Variants in DPH6 observed in about 807,000 individuals in gnomAD.
The protein encoded by DPH6 is diphthamine biosynthesis 6.
DPH6 carries 33 observed loss-of-function variants against 38.2 expected under a neutral mutation model. The ratio of observed to expected loss-of-function variants is 0.86; its 90% CI spans 0.65 to 1.15. The LOEUF (loss-of-function observed/expected upper bound fraction) is 1.15. Among genes scored for constraint, DPH6 ranks in the 50% most tolerant of loss-of-function variants. DPH6 has a pLI of 0.00. For missense variants in DPH6, 325 were observed against 320.0 expected, an observed-to-expected ratio of 1.02 and a Z score of -0.12; for synonymous variants, 108 against 103.0, an observed-to-expected ratio of 1.05 and a Z score of -0.30.
chr15:35,173,784 C>A, the DPH6 span, among the ~76,000 whole-genome samples: 120,582 of 152,044 alleles, frequency 0.79, 48,015 homozygotes, highest in Middle Eastern at 0.88. Flanking sequence ...CCATTGATAC[C>A]GAAGGTCCTG....
chr15:35,383,761 C>T (rs1340183375), intron 6 of DPH6, among the ~76,000 whole-genome samples: 2 of 152,172 alleles, frequency 1.3e-5, no homozygotes, highest in African/African-American at 2.4e-5. Context: ...AAGCTTCAAG[C>T]TCTAATAGAC....
chr15:35,151,936 G>T, the DPH6 span, among the ~76,000 whole-genome samples: 1 of 152,134 alleles, frequency 6.6e-6, no homozygotes, highest in Non-Finnish European at 1.5e-5. Flanking sequence ...TCACTTTGAA[G>T]AAATTTATTC....
At chr15:35,490,709 A>T (rs1462578878) in intron 3 of DPH6, among the ~76,000 whole-genome samples, 2 of 152,184 alleles carry the variant, frequency 1.3e-5, no homozygotes, top group African/African-American at 4.8e-5. Flanking sequence ...CGTTTGGAAA[A>T]TTATATCTGG....
chr15:35,290,754 T>C (rs955870157), intron 3 of DPH6, among the ~76,000 whole-genome samples: 1 of 152,094 alleles, frequency 6.6e-6, no homozygotes, highest in African/African-American at 2.4e-5. Context: ...GTGCATGCCA[T>C]AGTTGTTTGT....
chr15:35,298,232 C>T, intron 3 of DPH6: 1 of 513,742 alleles, frequency 1.9e-6, no homozygotes, highest in South Asian at 1.6e-5. Context: ...ATGACTTGTG[C>T]TCTAGTTCTT....
chr15:35,230,041 G>A (rs2051506343), intron 3 of DPH6, among the ~76,000 whole-genome samples: 2 of 152,126 alleles, frequency 1.3e-5, no homozygotes. Context: ...CCACTCCCTG[G>A]CTACCACCTA....
chr15:35,396,108 T>C (rs929319747), intron 6 of DPH6: 4 of 152,160 alleles, frequency 2.6e-5, no homozygotes, highest in South Asian at 2.1e-4. Context: ...AACACACCTT[T>C]GAGAATCCCA....
At chr15:35,165,756 C>T in the DPH6 span, among the ~76,000 whole-genome samples, 1 of 151,810 alleles carries the variant, frequency 6.6e-6, no homozygotes, top group Admixed American at 6.6e-5. Flanking sequence ...ATTAGAAGAC[C>T]GAAGTCTACT....
At chr15:35,317,408 AAG>A (rs938630116) in intron 3 of DPH6, among the ~76,000 whole-genome samples, 1 of 82,598 alleles carries the variant, frequency 1.2e-5, no homozygotes, top group African/African-American at 5.0e-5. Context: ...AAGAAAAAGA[AAG>A]AAAGAAAGAG....
At chr15:35,173,991 G>C in the DPH6 span, among the ~76,000 whole-genome samples, 1 of 152,094 alleles carries the variant, frequency 6.6e-6, no homozygotes, top group Non-Finnish European at 1.5e-5. Context: ...ATATGTAACT[G>C]AACAGAACCA....
intron 3 of DPH6, among the ~76,000 whole-genome samples, chr15:35,278,980 C>T (rs939650844): frequency 5.2e-4 from 72 of 139,778 alleles, no homozygotes; most frequent in East Asian, 2.6e-3. Flanking sequence ...ACCCAGGAGG[C>T]GGAGGTTGCA....
At chr15:35,326,085 T>C (rs979788064), downstream of DPH6, among the ~76,000 whole-genome samples, 3 of 152,128 alleles carry the variant, frequency 2.0e-5, no homozygotes, top group East Asian at 1.9e-4. Flanking sequence ...AAACAATACA[T>C]TGCTGATGGA....
chr15:35,167,001 G>T, the DPH6 span, among the ~76,000 whole-genome samples: 1 of 151,958 alleles, frequency 6.6e-6, no homozygotes, highest in South Asian at 2.1e-4. Flanking sequence ...CTGAAGAGCC[G>T]GAAGAGTTTA....
intron 3 of DPH6, among the ~76,000 whole-genome samples, chr15:35,365,209 A>G (rs186126721): frequency 6.6e-6 from 1 of 152,178 alleles, no homozygotes; most frequent in Non-Finnish European, 1.5e-5. Flanking sequence ...CTTATTCCCT[A>G]AAACCCAATC....
chr15:35,511,875 T>G (rs910763924), intron 3 of DPH6, among the ~76,000 whole-genome samples: 2 of 152,162 alleles, frequency 1.3e-5, no homozygotes, highest in African/African-American at 4.8e-5. Flanking sequence ...TAGTAATAAT[T>G]ACCACAAAAT....
chr15:35,187,979 C>G, the DPH6 span, among the ~76,000 whole-genome samples: 35 of 152,240 alleles, frequency 2.3e-4, no homozygotes, highest in African/African-American at 8.4e-4. Context: ...TCTGTCTCTA[C>G]AAAAAATACA....
At chr15:35,435,546 TTCAGC>T (rs2053687545) in intron 5 of DPH6, among the ~76,000 whole-genome samples, 2 of 152,134 alleles carry the variant, frequency 1.3e-5, no homozygotes, top group Admixed American at 1.3e-4. Context: ...GTCAGGCCTC[TTCAGC>T]TCATGTGTGG....
chr15:35,213,935 ACC>A (rs1175489174), downstream of DPH6, among the ~76,000 whole-genome samples: 1 of 152,032 alleles, frequency 6.6e-6, no homozygotes, highest in Non-Finnish European at 1.5e-5. Context: ...ACACGGTGAA[ACC>A]CCGTCTCTAT....
At chr15:35,190,315 G>T in the DPH6 span, among the ~76,000 whole-genome samples, 2 of 152,226 alleles carry the variant, frequency 1.3e-5, no homozygotes, top group Non-Finnish European at 2.9e-5. Context: ...CTCTTCGGAA[G>T]ACCGGAGTTT....
Sources: gnomAD v4.1 joint callset for allele counts (sites outside exome capture counted in the v4.1 genomes callset) on GRCh38, gnomAD v4.1.1 for gene constraint, MANE v1.5 for transcripts, NCBI Gene and HGNC (gene_info 2026-07-23, HGNC 2026-07-21) for gene names.